Variants in CADPS observed in about 807,000 individuals in gnomAD.
The protein encoded by CADPS is calcium dependent secretion activator.
CADPS carries 57 observed loss-of-function variants against 167.3 expected under a neutral mutation model. The ratio of observed to expected loss-of-function variants is 0.34; its 90% confidence interval spans 0.28 to 0.42. The LOEUF is 0.42. Among genes scored for constraint, CADPS ranks in the 20% least tolerant of loss-of-function variants. The pLI is 1.00. For missense variants in CADPS, 1,414 were observed against 1,738.1 expected, an observed-to-expected ratio of 0.81 and a Z score of 3.32; for synonymous variants, 676 against 635.3, an observed-to-expected ratio of 1.06 and a Z score of -0.96.
intron 1 of CADPS, among the ~76,000 whole-genome samples, chr3:62,833,885 A>G (rs1435026789): frequency 6.6e-6 from 1 of 152,204 alleles, no homozygotes; most frequent in Non-Finnish European, 1.5e-5. Context: ...AAATCAAATT[A>G]TAAACCATGT....
chr3:62,816,201 T>G (rs530779189), intron 1 of CADPS, among the ~76,000 whole-genome samples: 12 of 152,158 alleles, frequency 7.9e-5, no homozygotes, highest in Non-Finnish European at 1.8e-4. Context: ...AAAGCCTATA[T>G]GTAATGGGAA....
At chr3:62,822,363 C>T (rs550964942) in intron 1 of CADPS, among the ~76,000 whole-genome samples, 3 of 152,148 alleles carry the variant, frequency 2.0e-5, no homozygotes, top group Admixed American at 6.5e-5. Flanking sequence ...ATTATACACT[C>T]CATGAGGGTA....
intron 6 of CADPS, among the ~76,000 whole-genome samples, chr3:62,618,122 A>G (rs2062624629): frequency 6.6e-6 from 1 of 152,168 alleles, no homozygotes; most frequent in Admixed American, 6.5e-5. Context: ...ACCCCAGGGA[A>G]GGGAAAGCTA....
intron 3 of CADPS, among the ~76,000 whole-genome samples, chr3:62,688,562 G>A (rs1458993637): frequency 6.6e-6 from 1 of 152,046 alleles, no homozygotes; most frequent in African/African-American, 2.4e-5. Flanking sequence ...CTTCCACATA[G>A]AGTGTTCCAT....
intron 1 of CADPS, among the ~76,000 whole-genome samples, chr3:62,774,812 T>C (rs1221731036): frequency 1.3e-5 from 2 of 152,248 alleles, no homozygotes; most frequent in Admixed American, 1.3e-4. Flanking sequence ...TACAGATAGG[T>C]TGTTGGAAAA....
chr3:62,607,644 C>T (rs1331106106), intron 6 of CADPS, among the ~76,000 whole-genome samples: 1 of 152,130 alleles, frequency 6.6e-6, no homozygotes, highest in Non-Finnish European at 1.5e-5. Flanking sequence ...CCAGCCCCAT[C>T]CCGTGAGACC....
Position 62,438,463 on chromosome 3 carries a change from T to C in CADPS, c.3670-252A>G. The C allele has an allele frequency of 2.4e-6, 1 of 414,982 alleles. No homozygotes were observed. The highest frequency in any genetic ancestry group is 4.4e-6 in the Non-Finnish European group (1 of 227,436). 25.7% of individuals were successfully genotyped at this position (414,982 alleles called of 1,614,324 possible). ...TAGGATTTTATAAATAGTTTTTCTATGATAAATTTTTTCCTGGCAAATTTA... is the reference window on the plus strand; with the variant it reads ...TAGGATTTTATAAATAGTTTTTCTACGATAAATTTTTTCCTGGCAAATTTA... On this transcript the variant is annotated intron_variant, in intron 27 of 29. Coordinates refer to ENST00000383710, the MANE Select transcript of CADPS (RefSeq NM_003716.4). This position sits in a 1 kb window ranked among gnomAD's most constrained non-coding sequence, Gnocchi z 4.7.
intron 19 of CADPS, among the ~76,000 whole-genome samples, chr3:62,493,369 A>G (rs538093677): frequency 5.0e-4 from 76 of 152,302 alleles, no homozygotes; most frequent in African/African-American, 1.8e-3. Context: ...CAGAAAAACA[A>G]AAACAAATTG....
chr3:62,482,365 C>A (rs2062135502), intron 21 of CADPS, among the ~76,000 whole-genome samples: 1 of 152,096 alleles, frequency 6.6e-6, no homozygotes, highest in Non-Finnish European at 1.5e-5. Flanking sequence ...GGAAGTTCAC[C>A]CACTTGGAGG....
intron 1 of CADPS, among the ~76,000 whole-genome samples, chr3:62,836,734 G>A (rs1418521240): frequency 1.3e-5 from 2 of 152,146 alleles, no homozygotes; most frequent in Non-Finnish European, 2.9e-5. Flanking sequence ...TCATCCTGAA[G>A]GCTGTGGAGA....
intron 24 of CADPS, chr3:62,470,821 A>G (rs1358273878): frequency 1.3e-5 from 2 of 150,464 alleles, no homozygotes; most frequent in Non-Finnish European, 2.9e-5. Context: ...AAAGATATTC[A>G]GTCTAGATGT....
chr3:62,581,542 G>A (rs939253926), intron 8 of CADPS, among the ~76,000 whole-genome samples: 9 of 151,798 alleles, frequency 5.9e-5, no homozygotes, highest in South Asian at 2.1e-4. Flanking sequence ...TTAGCTGGGC[G>A]TGGTGGTACA....
chr3:62,485,618 C>T lies in CADPS; in HGVS notation c.3027-3749G>A, dbSNP rs755248302. 4.1e-5 allele frequency among the ~76,000 whole-genome samples: 6 copies of T among 144,640 alleles called. No homozygotes were observed. The South Asian group carries it at 7.6e-4, about 18-fold the overall frequency. 94.9% of individuals were successfully genotyped at this position (144,640 alleles called of 152,430 possible). On this transcript the variant is annotated intron_variant, in intron 21 of 29. Coordinates refer to ENST00000383710, the MANE Select transcript of CADPS (RefSeq NM_003716.4). ...TTGCTCAGACCCAACTAGATTGAAA[C>T]CCTCATCTGGGGAAACATCCCCATA...
At chr3:62,564,953 A>T (rs544347367) in intron 9 of CADPS, among the ~76,000 whole-genome samples, 15 of 152,324 alleles carry the variant, frequency 9.8e-5, no homozygotes, top group African/African-American at 3.1e-4. Flanking sequence ...AAATAAAAAG[A>T]TGAAAGCGTT....
At chr3:62,585,766 A>T (rs184779747) in intron 7 of CADPS, among the ~76,000 whole-genome samples, 1 of 152,348 alleles carries the variant, frequency 6.6e-6, no homozygotes, top group East Asian at 1.9e-4. Flanking sequence ...CAAGGCCCCC[A>T]GGGGAAAATG....
rs2058546517 is a variant in CADPS at position 62,455,166 on chromosome 3, T to A, written c.3637-9369A>T. The stretch of plus-strand genomic sequence containing the variant: ...CTGGGGCTTCTGAACAGATGCCTGA[T>A]TGAAGTAGACCTGTTTTTCCTTCCA... On this transcript the variant is annotated intron_variant, in intron 26 of 29. Coordinates refer to ENST00000383710, the MANE Select transcript of CADPS (RefSeq NM_003716.4). This position sits in a 1 kb window ranked among gnomAD's most constrained non-coding sequence, Gnocchi z 4.4. Among the ~76,000 whole-genome samples, 1 of 127,270 alleles carries A rather than the reference T, an allele frequency of 7.9e-6. No homozygotes were observed. Among genetic ancestry groups the A allele is most frequent in the Non-Finnish European group, 1.6e-5 (1 of 63,270 alleles). The allele number at this position is 127,270 out of a possible 152,430, so 83.5% of individuals were successfully genotyped here. A position where few individuals can be genotyped will look rare whatever the true frequency, so the allele number is the denominator to read the frequency against.
chr3:62,430,977 A>C (rs1006501661), intron 28 of CADPS, among the ~76,000 whole-genome samples: 1 of 152,148 alleles, frequency 6.6e-6, no homozygotes, highest in Non-Finnish European at 1.5e-5. Context: ...TTCTGGTTTC[A>C]ATACACATAA....
chr3:62,771,569 G>A (rs1187837902), intron 1 of CADPS, among the ~76,000 whole-genome samples: 2 of 152,082 alleles, frequency 1.3e-5, no homozygotes, highest in Non-Finnish European at 2.9e-5. Context: ...ACAAACAAAT[G>A]GGCTTTGATG....
At chr3:62,526,332 G>A (rs941682462) in intron 13 of CADPS, among the ~76,000 whole-genome samples, 2 of 152,128 alleles carry the variant, frequency 1.3e-5, no homozygotes, top group African/African-American at 2.4e-5. Flanking sequence ...TTTGGATTGC[G>A]GCGGTTGGCA....
Sources: gnomAD v4.1 joint callset for allele counts (sites outside exome capture counted in the v4.1 genomes callset) on GRCh38, gnomAD v4.1.1 for gene constraint, Gnocchi (gnomAD v3.1) non-coding constraint, MANE v1.5 for transcripts, NCBI Gene and HGNC (gene_info 2026-07-23, HGNC 2026-07-21) for gene names.